TRIM36: variants seen among roughly 807,000 people sequenced by gnomAD.
TRIM36 encodes the protein E3 ubiquitin-protein ligase TRIM36.
TRIM36 carries 42 observed loss-of-function variants against 72.4 expected under a neutral mutation model. That is an observed-to-expected ratio of 0.58 (90% CI 0.45 to 0.75). The LOEUF (loss-of-function observed/expected upper bound fraction) is 0.75, where lower values mean the gene tolerates loss of function less well. TRIM36 is among the 30% of genes least tolerant of loss of function. The pLI is 0.00. For missense variants in TRIM36, 913 were observed against 857.1 expected (o/e 1.07, Z -0.81); for synonymous variants, 315 against 282.8 (o/e 1.11, Z -1.14).
intron 2 of TRIM36, among the ~76,000 whole-genome samples, chr5:115,151,421 C>T (rs1171517848): frequency 6.6e-6 from 1 of 151,978 alleles, no homozygotes; most frequent in East Asian, 1.9e-4. Flanking sequence ...CGCCCTGCCC[C>T]CACCCAGGGG....
chr5:115,174,335 T>TA (rs1755243288), upstream of TRIM36: 1 of 152,158 alleles, frequency 6.6e-6, no homozygotes, highest in Non-Finnish European at 1.5e-5. Flanking sequence ...GAACCCCTAA[T>TA]AATTAAGCAG....
At chr5:115,174,961 C>G (rs770248421) in intron 1 of TRIM36, among the ~76,000 whole-genome samples, 1 of 152,080 alleles carries the variant, frequency 6.6e-6, no homozygotes, top group African/African-American at 2.4e-5. Context: ...TTCTGGCCAA[C>G]TTGAGGTAAA....
At chr5:115,129,139 C>G (rs1464662826) in intron 9 of TRIM36, among the ~76,000 whole-genome samples, 1 of 152,200 alleles carries the variant, frequency 6.6e-6, no homozygotes, top group Middle Eastern at 3.2e-3. Context: ...TCCACATACC[C>G]TAAGGGTGTA....
In TRIM36 at chr5:115,130,730, C is replaced by T. The variant is rs1479635044; in HGVS notation, c.1658G>A (p.Gly553Glu). The change falls in exon 9 of 10, where the codon GGA (glycine) becomes GAA (glutamate). Residue 553 changes from glycine (G) to glutamate (E), a missense_variant. Physicochemically the swap from Gly to Glu is moderately conservative, Grantham distance 98. Coordinates refer to ENST00000513154, the MANE Select transcript of TRIM36 (RefSeq NM_001300759.2). Reference sequence around the variant, plus strand: ...TTTTCCTTTTGTAATGCCAGTATCTCCAATGATGTAGTCTAAGCTTGTGTA... The same window carrying T: ...TTTTCCTTTTGTAATGCCAGTATCTTCAATGATGTAGTCTAAGCTTGTGTA... Reference protein sequence around the residue: ...GYYTSLDYIIGDTGITKGKHF... With the variant: ...GYYTSLDYIIEDTGITKGKHF... The T allele has an allele frequency of 6.2e-7, 1 of 1,614,112 alleles. No homozygotes were observed. Among genetic ancestry groups the T allele is most frequent in the Admixed American group, 1.7e-5 (1 of 60,016 alleles).
chr5:115,135,591 G>C (rs980133506), intron 7 of TRIM36, among the ~76,000 whole-genome samples: 1 of 151,972 alleles, frequency 6.6e-6, no homozygotes, highest in Non-Finnish European at 1.5e-5. Context: ...TTGCTATACA[G>C]TGGTATAACC....
intron 2 of TRIM36, among the ~76,000 whole-genome samples, chr5:115,151,769 T>A (rs904968697): frequency 6.6e-6 from 1 of 151,972 alleles, no homozygotes; most frequent in Non-Finnish European, 1.5e-5. Flanking sequence ...GGTGGATAGA[T>A]CCAGAAGAGA....
intron 5 of TRIM36, 108 bp downstream of exon 5, chr5:115,141,171 C>G: frequency 1.3e-6 from 1 of 777,278 alleles, no homozygotes; most frequent in Non-Finnish European, 2.0e-6. Context: ...TCTAACACAA[C>G]TTTGTATTCC....
chr5:115,179,909 A>T, intron 1 of TRIM36: 1 of 1,442,906 alleles, frequency 6.9e-7, no homozygotes, highest in Non-Finnish European at 9.4e-7. Context: ...GGACGCCCAC[A>T]GTGGCGGGCC....
intron 1 of TRIM36, among the ~76,000 whole-genome samples, chr5:115,166,608 C>A (rs745483055): frequency 6.6e-6 from 1 of 152,212 alleles, no homozygotes; most frequent in Non-Finnish European, 1.5e-5. Context: ...GAACTCTGGA[C>A]CTGCCAAATG....
chr5:115,137,615 C>A lies in TRIM36; in HGVS notation c.833G>T (p.Cys278Phe). Residue 278 changes from cysteine (C) to phenylalanine (F), a missense_variant and splice_region_variant, in exon 6 of 10, where the codon TGT (cysteine) becomes TTT (phenylalanine). Cys to Phe is a radical substitution (Grantham distance 205, BLOSUM62 -2). Transcript: ENST00000513154. Reference protein sequence around the residue: ...ELNLLMKETECNGERAKEEAI... With the variant: ...ELNLLMKETEFNGERAKEEAI... Reference sequence around the variant, plus strand: ...TTCTTCTTTAGCCCTCTCTCCATTACACTAAGAAAAAACAGTATCTCCATT... The same window carrying A: ...TTCTTCTTTAGCCCTCTCTCCATTAAACTAAGAAAAAACAGTATCTCCATT... 3 of 1,586,556 alleles carry A rather than the reference C, an allele frequency of 1.9e-6. No homozygotes were observed. Among genetic ancestry groups the A allele is most frequent in the Admixed American group, 1.8e-5 (1 of 54,666 alleles).
At chr5:115,177,692 G>GC in intron 1 of TRIM36, 2 of 1,612,940 alleles carry the variant, frequency 1.2e-6, no homozygotes, top group Non-Finnish European at 1.7e-6. Context: ...ATGGTTAGGA[G>GC]CCTACTCCAG....
chr5:115,136,328 A>G (rs1486362375), intron 7 of TRIM36, among the ~76,000 whole-genome samples: 1 of 152,196 alleles, frequency 6.6e-6, no homozygotes, highest in Non-Finnish European at 1.5e-5. Flanking sequence ...GTGAAGACAC[A>G]AGGAGAAGAT....
intron 9 of TRIM36, among the ~76,000 whole-genome samples, chr5:115,128,238 G>A (rs1262473255): frequency 4.0e-5 from 6 of 151,488 alleles, no homozygotes; most frequent in East Asian, 3.9e-4. Context: ...GTGTGGTGGC[G>A]CATGCCTGTA....
intron 2 of TRIM36, among the ~76,000 whole-genome samples, chr5:115,150,398 T>C (rs560739599): frequency 2.0e-5 from 3 of 152,364 alleles, no homozygotes; most frequent in African/African-American, 7.2e-5. Flanking sequence ...AAGAGACACA[T>C]GTAGCTAATG....
rs1752629541 is a variant in TRIM36 at position 115,130,699 on chromosome 5, G to C, written c.1689C>G (p.Phe563Leu). The C allele has an allele frequency of 6.2e-7, 1 of 1,614,196 alleles. No individual in the cohort carries two copies. The highest frequency in any genetic ancestry group is 1.3e-5 in the African/African-American group (1 of 75,058). ...AATATGGTTCCACACGGAAGGCCCA[G>C]AAGTGTTTTCCTTTTGTAATGCCAG... ...GDTGITKGKH[F>L]WAFRVEPYSY... Residue 563 changes from phenylalanine to leucine, a missense_variant, in exon 9 of 10, where the codon TTC (phenylalanine) becomes TTG (leucine). Coordinates refer to ENST00000513154, the MANE Select transcript of TRIM36 (RefSeq NM_001300759.2).
At chr5:115,162,101 C>T (rs1489044772) in intron 2 of TRIM36, among the ~76,000 whole-genome samples, 1 of 152,186 alleles carries the variant, frequency 6.6e-6, no homozygotes, top group Non-Finnish European at 1.5e-5. Context: ...ATCCAGCATA[C>T]TCATTCTATC....
Position 115,134,151 on chromosome 5 carries a change from A to C in TRIM36, c.1211-4T>G. On this transcript the variant is annotated splice_polypyrimidine_tract_variant and splice_region_variant and intron_variant, in intron 7 of 9. Transcript: ENST00000513154. The stretch of plus-strand genomic sequence containing the variant: ...TTGATCTCTGGCACGTCTATGCCTG[A>C]AAGAATTATGAAATAGAAAACAACA... 6.5e-7 allele frequency: 1 copy of C among 1,547,314 alleles called. No individual in the cohort carries two copies. Among genetic ancestry groups the C allele is most frequent in the Non-Finnish European group, 8.7e-7 (1 of 1,150,532 alleles).
chr5:115,166,609 C>G (rs1263556477), intron 1 of TRIM36, among the ~76,000 whole-genome samples: 1 of 152,230 alleles, frequency 6.6e-6, no homozygotes, highest in African/African-American at 2.4e-5. Context: ...AACTCTGGAC[C>G]TGCCAAATGG....
chr5:115,170,311 G>C (rs1755044624), upstream of TRIM36, among the ~76,000 whole-genome samples: 1 of 152,196 alleles, frequency 6.6e-6, no homozygotes, highest in Admixed American at 6.5e-5. Flanking sequence ...CTGGCCCCTG[G>C]CCCTGCGCTG....
Sources: gnomAD v4.1 joint callset for allele counts (sites outside exome capture counted in the v4.1 genomes callset) on GRCh38, gnomAD v4.1.1 for gene constraint, MANE v1.5 for transcripts, NCBI Gene and HGNC (gene_info 2026-07-23, HGNC 2026-07-21) for gene names.